FER: variants seen among roughly 807,000 people sequenced by gnomAD.
FER encodes the protein FER tyrosine kinase, also known as tyrosine-protein kinase Fer.
A neutral mutation model predicts 111.0 loss-of-function variants in FER; 63 were observed. That is an observed-to-expected ratio of 0.57 (90% CI 0.46 to 0.70). The LOEUF (loss-of-function observed/expected upper bound fraction) is 0.70, where lower values mean the gene tolerates loss of function less well. Ranked by LOEUF, FER falls within the 30% of genes least tolerant of loss-of-function variation. FER has a pLI of 0.00. For synonymous variants in FER, 327 were observed against 313.9 expected (o/e 1.04, Z -0.44); for missense variants, 914 against 954.0 (o/e 0.96, Z 0.55).
At chr5:108,977,107 T>C (rs535573296) in intron 13 of FER, among the ~76,000 whole-genome samples, 157 of 152,308 alleles carry the variant, frequency 1.0e-3, no homozygotes, top group African/African-American at 3.7e-3. Context: ...TTTGCAACAC[T>C]TGAGCTCACC....
chr5:108,903,755 A>C (rs1349973289), intron 10 of FER, among the ~76,000 whole-genome samples: 1 of 152,196 alleles, frequency 6.6e-6, no homozygotes, highest in Non-Finnish European at 1.5e-5. Flanking sequence ...TGAGTTCTTA[A>C]GTATGAATTG....
chr5:109,066,490 CTTTTT>C (rs1775105246), intron 16 of FER, among the ~76,000 whole-genome samples: 1 of 151,962 alleles, frequency 6.6e-6, no homozygotes, highest in Admixed American at 6.6e-5. Flanking sequence ...CTTCTAAATT[CTTTTT>C]AAGTTAAGTA....
chr5:109,187,334 C>CATAAGGTACCAAAAGTTA (rs1758994017), intron 19 of FER, 99 bp from the exon 20 acceptor site: 2 of 1,253,794 alleles, frequency 1.6e-6, no homozygotes, highest in South Asian at 3.0e-5. Flanking sequence ...ATAACTACAA[C>CATAAGGTACCAAAAGTTA]ATAAGGTACC....
chr5:108,923,114 A>G (rs940983199), intron 10 of FER, among the ~76,000 whole-genome samples: 6 of 152,112 alleles, frequency 3.9e-5, no homozygotes, highest in African/African-American at 1.4e-4. Flanking sequence ...TAAATGAGAT[A>G]ATCCATCTAA....
chr5:109,163,416 G>A (rs929435551), intron 17 of FER, among the ~76,000 whole-genome samples: 2 of 152,014 alleles, frequency 1.3e-5, no homozygotes, highest in Non-Finnish European at 1.5e-5. Flanking sequence ...GTGAGTGGCT[G>A]GGTTCTATGG....
chr5:108,798,066 TTTTGAAGACTAATTTCC>T, intron 2 of FER, 41 bp from the exon 3 acceptor site: 1 of 675,300 alleles, frequency 1.5e-6, no homozygotes, highest in Non-Finnish European at 2.4e-6. Context: ...ACTTTTTTTT[TTTTGAAGACTAATTTCC>T]TTTTTATTTA....
At chr5:108,835,197 C>G (rs1449049591) in intron 4 of FER, among the ~76,000 whole-genome samples, 5 of 125,710 alleles carry the variant, frequency 4.0e-5, no homozygotes, top group East Asian at 2.4e-4. Context: ...CCCCCCCCCC[C>G]ACTTTTTTTT....
At chr5:109,157,170 C>T (rs1425455637) in intron 17 of FER, among the ~76,000 whole-genome samples, 1 of 151,338 alleles carries the variant, frequency 6.6e-6, no homozygotes, top group Non-Finnish European at 1.5e-5. Context: ...TCAATCAGAA[C>T]TGTAGACTTA....
At chr5:109,051,730 C>G (rs1351422242) in intron 16 of FER, 1 of 1,568,844 alleles carries the variant, frequency 6.4e-7, no homozygotes, top group Admixed American at 1.7e-5. Context: ...GTAAGGGTCG[C>G]TCTTTCCCTT....
chr5:109,057,815 A>T (rs1360580582), intron 16 of FER, among the ~76,000 whole-genome samples: 1 of 152,232 alleles, frequency 6.6e-6, no homozygotes, highest in African/African-American at 2.4e-5. Flanking sequence ...AGAAAATGTT[A>T]CCAATTCTAT....
At chr5:108,972,287 AGG>A (rs1760761642) in intron 13 of FER, among the ~76,000 whole-genome samples, 1 of 152,032 alleles carries the variant, frequency 6.6e-6, no homozygotes, top group East Asian at 1.9e-4. Context: ...CAGAGAGAAG[AGG>A]GTACCTTCTC....
At position 108,989,566 on chromosome 5, in the gene FER, ATAT is replaced by A. The variant is rs1228558295; in HGVS notation, c.1656+30223_1656+30225del. ...ATATTCCTTTCTTTCTGAGTGTGAAATATTATCCATCTTTCCATTTTTGTTTTA... is the reference window on the plus strand; with the variant it reads ...ATATTCCTTTCTTTCTGAGTGTGAAATATCCATCTTTCCATTTTTGTTTTA... On this transcript the variant is annotated intron_variant, in intron 13 of 19. Coordinates refer to ENST00000281092, the MANE Select transcript of FER (RefSeq NM_005246.4). Among the ~76,000 whole-genome samples, 10 of 152,144 alleles carry A rather than the reference ATAT, an allele frequency of 6.6e-5. No individual in the cohort carries two copies. In the East Asian group the frequency reaches 1.9e-3, roughly 29 times the overall value.
chr5:109,070,588 G>A (rs1775655136), intron 16 of FER, among the ~76,000 whole-genome samples: 1 of 151,656 alleles, frequency 6.6e-6, no homozygotes, highest in South Asian at 2.1e-4. Flanking sequence ...GCATTGAGAG[G>A]TTAAGTGAAT....
intron 11 of FER, among the ~76,000 whole-genome samples, chr5:108,948,774 A>T (rs570899248): frequency 6.6e-6 from 1 of 152,104 alleles, no homozygotes. Flanking sequence ...CGCTTGTTCC[A>T]TCTTACAGCC....
chr5:109,140,474 G>A (rs1753406038), intron 17 of FER, among the ~76,000 whole-genome samples: 3 of 152,064 alleles, frequency 2.0e-5, no homozygotes, highest in Non-Finnish European at 4.4e-5. Context: ...ATGAGCCCGT[G>A]AAATAGAAAA....
At chr5:108,975,200 A>T (rs1761174104) in intron 13 of FER, among the ~76,000 whole-genome samples, 1 of 152,216 alleles carries the variant, frequency 6.6e-6, no homozygotes, top group Non-Finnish European at 1.5e-5. Flanking sequence ...GGAGTTGAAC[A>T]GTGAGAACAC....
chr5:108,954,927 G>A lies in FER; in HGVS notation c.1528G>A (p.Val510Ile), dbSNP rs748674450. ...GQRRHFIIQY[V>I]DNMYRFEGTG... ...GAGGAGACATTTTATCATACAATAT[G>A]TTGATGTACGTTTCCAGTTTAGTTC... Residue 510 changes from valine (V) to isoleucine (I), a missense_variant, in exon 12 of 20, where the codon GTT becomes ATT. Val to Ile is a conservative substitution (Grantham distance 29, BLOSUM62 3). Transcript: ENST00000281092. The A allele has an allele frequency of 6.2e-7, 1 of 1,602,630 alleles. No individual in the cohort carries two copies. Among genetic ancestry groups the A allele is most frequent in the South Asian group, 1.1e-5 (1 of 89,530 alleles).
chr5:108,983,073 G>A (rs186058813), intron 13 of FER, among the ~76,000 whole-genome samples: 4 of 152,084 alleles, frequency 2.6e-5, no homozygotes, highest in Admixed American at 2.6e-4. Flanking sequence ...CTAGCACCTA[G>A]TATGTATTCA....
At chr5:109,063,207 C>A (rs1268075668) in intron 16 of FER, among the ~76,000 whole-genome samples, 1 of 152,070 alleles carries the variant, frequency 6.6e-6, no homozygotes, top group Non-Finnish European at 1.5e-5. Context: ...TTCTATAGTA[C>A]ATTTCACTAA....
Sources: allele counts gnomAD v4.1 joint callset (sites outside exome capture counted in the v4.1 genomes callset), GRCh38; gene constraint gnomAD v4.1.1; transcripts MANE v1.5; gene names NCBI Gene and HGNC (gene_info 2026-07-23, HGNC 2026-07-21).